Variants in NACC2 observed in about 807,000 individuals in gnomAD.
NACC2 encodes nucleus accumbens-associated protein 2.
NACC2 carries 8 observed loss-of-function variants against 25.1 expected under a neutral mutation model. That is an observed-to-expected ratio of 0.32 (90% CI 0.19 to 0.57). NACC2 has a LOEUF of 0.57. Ranked by LOEUF, NACC2 falls within the 20% of genes least tolerant of loss-of-function variation. The probability of loss-of-function intolerance (pLI) is 0.89; values close to 1 mark genes in which losing one functional copy is unlikely to be tolerated. For synonymous variants in NACC2, 435 were observed against 294.7 expected (o/e 1.48, Z -4.88); for missense variants, 644 against 650.2 (o/e 0.99, Z 0.10).
intron 2 of NACC2, among the ~76,000 whole-genome samples, chr9:136,038,801 G>C (rs1432409950): frequency 1.3e-5 from 2 of 152,172 alleles, no homozygotes; most frequent in Non-Finnish European, 2.9e-5. Context: ...GAGGTGGGCT[G>C]AGGGAAGTGA....
rs1840798257 is a variant in NACC2 at position 136,050,167 on chromosome 9, G to A, written c.355C>T (p.Leu119Phe). ...IQHIVERGTD[L>F]MFKVSSPHCD... Reference sequence around the variant, plus strand: ...TGGGGCGAGCTCACCTTGAACATGAGGTCGGTGCCGCGCTCCACGATGTGC... The same window carrying A: ...TGGGGCGAGCTCACCTTGAACATGAAGTCGGTGCCGCGCTCCACGATGTGC... The change falls in exon 2 of 6, where the codon CTC becomes TTC. Residue 119 changes from leucine to phenylalanine, a missense_variant. Leu to Phe is a conservative substitution (Grantham distance 22). Transcript: ENST00000277554. 2.6e-6 allele frequency: 2 copies of A among 770,310 alleles called. No individual in the cohort carries two copies. Among genetic ancestry groups the A allele is most frequent in the Admixed American group, 3.4e-5 (2 of 58,258 alleles). 47.7% of individuals were successfully genotyped at this position (770,310 alleles called of 1,614,324 possible).
intron 1 of NACC2, among the ~76,000 whole-genome samples, chr9:136,092,972 C>T (rs1418946560): frequency 1.3e-5 from 2 of 152,174 alleles, no homozygotes; most frequent in Non-Finnish European, 2.9e-5. Context: ...GTGGCTAGAA[C>T]AGGGCTGGCT....
chr9:136,063,214 G>T (rs748055458), intron 1 of NACC2, among the ~76,000 whole-genome samples: 1 of 152,164 alleles, frequency 6.6e-6, no homozygotes, highest in East Asian at 1.9e-4. Flanking sequence ...AGCAGCTCCC[G>T]GGACCCCTGG....
chr9:136,064,246 A>C (rs1841053740), intron 1 of NACC2, among the ~76,000 whole-genome samples: 2 of 152,174 alleles, frequency 1.3e-5, no homozygotes, highest in Admixed American at 6.6e-5. Flanking sequence ...CTATGACTGC[A>C]CTACTGCACT....
Position 136,055,063 on chromosome 9 carries a change from G to A in NACC2, c.-59-4483C>T, listed in dbSNP as rs1231840639. Among the ~76,000 whole-genome samples the A allele has an allele frequency of 2.0e-5, 3 of 152,144 alleles. No individual in the cohort carries two copies. Among genetic ancestry groups the A allele is most frequent in the Non-Finnish European group, 4.4e-5 (3 of 68,028 alleles). On this transcript the variant is annotated intron_variant, in intron 1 of 5. Transcript: ENST00000277554. The surrounding 1 kb of genome is among the most constrained non-coding windows in gnomAD (Gnocchi z 4.9). The stretch of plus-strand genomic sequence containing the variant: ...AAATACAGGTGGCTGTGGTGTCGGA[G>A]TGGGGGGTCTCTCCTCTGCAGAGCC...
intron 2 of NACC2, among the ~76,000 whole-genome samples, chr9:136,045,004 C>G (rs1424509972): frequency 6.6e-6 from 1 of 152,228 alleles, no homozygotes; most frequent in Non-Finnish European, 1.5e-5. Context: ...AGAGCCAGGA[C>G]AGATGTGCTG....
chr9:136,030,457 A>T (rs1216952825), intron 2 of NACC2, among the ~76,000 whole-genome samples: 1 of 151,936 alleles, frequency 6.6e-6, no homozygotes, highest in Non-Finnish European at 1.5e-5. Flanking sequence ...AAAATACAAA[A>T]AAATTAGCCA....
chr9:136,084,537 C>A lies in NACC2; in HGVS notation c.-60+10652G>T, dbSNP rs978495953. Among the ~76,000 whole-genome samples, 13 of 152,180 alleles carry A rather than the reference C, an allele frequency of 8.5e-5. No individual in the cohort carries two copies. Among genetic ancestry groups the A allele is most frequent in the Non-Finnish European group, 1.9e-4 (13 of 68,030 alleles). ...ATCTATCAAATCTGTCAAACTGGCC[C>A]AGACCCCGGAGTCAGGGTCACGAAG... On this transcript the variant is annotated intron_variant, in intron 1 of 5. Coordinates refer to ENST00000277554, the MANE Select transcript of NACC2 (RefSeq NM_144653.5). This position sits in a 1 kb window ranked among gnomAD's most constrained non-coding sequence, Gnocchi z 5.1.
At chr9:136,032,966 C>A (rs1463112474) in intron 2 of NACC2, among the ~76,000 whole-genome samples, 1 of 151,044 alleles carries the variant, frequency 6.6e-6, no homozygotes, top group South Asian at 2.1e-4. Context: ...TGCAGTGAGC[C>A]GAGATCACAC....
chr9:136,045,856 G>A (rs928072719), intron 2 of NACC2, among the ~76,000 whole-genome samples: 5 of 152,138 alleles, frequency 3.3e-5, no homozygotes, highest in South Asian at 2.1e-4. Flanking sequence ...AGGAGACCAC[G>A]GGAACAGACC....
At position 136,013,165 on chromosome 9, in the gene NACC2, G is replaced by GCCCCCCCCCCC; in HGVS notation, c.1255+33_1255+34insGGGGGGGGGGG. The GCCCCCCCCCCC allele has an allele frequency of 1.4e-5, 10 of 706,892 alleles. No individual in the cohort carries two copies. The highest frequency in any genetic ancestry group is 3.0e-5 in the East Asian group (1 of 32,924). The allele number at this position is 706,892 out of a possible 1,614,324, so 43.8% of individuals were successfully genotyped here. A position where few individuals can be genotyped will look rare whatever the true frequency, so the allele number is the denominator to read the frequency against. Reference sequence around the variant, plus strand: ...AGGCTGGGATCTGAACCCAGCCCCGGCCCCACCCACCCGAGAGACCCCCAG... The same window carrying GCCCCCCCCCCC: ...AGGCTGGGATCTGAACCCAGCCCCGGCCCCCCCCCCCCCCCACCCACCCGAGAGACCCCCAG... On this transcript the variant is annotated intron_variant, in intron 5 of 5. Coordinates refer to ENST00000277554, the MANE Select transcript of NACC2 (RefSeq NM_144653.5). This position sits in a 1 kb window ranked among gnomAD's most constrained non-coding sequence, Gnocchi z 6.6.
Position 136,050,354 on chromosome 9 carries a change from G to C in NACC2, c.168C>G (p.Arg56=). The change falls in exon 2 of 6, where the codon CGC becomes CGG. Residue 56 remains arginine, a synonymous_variant. Transcript: ENST00000277554. ...AVLAASSLYF[R]DLFSGNSKSA... is the part of the protein sequence containing the mutation. ...TCTTGCTGTTGCCGCTGAACAGGTC[G>C]CGGAAGTAGAGGCTGCTGGCGGCCA... 1.3e-6 allele frequency: 1 copy of C among 747,720 alleles called. No individual in the cohort carries two copies. Among genetic ancestry groups the C allele is most frequent in the East Asian group, 2.5e-5 (1 of 39,630 alleles). The allele number at this position is 747,720 out of a possible 1,614,324, so 46.3% of individuals were successfully genotyped here. A position where few individuals can be genotyped will look rare whatever the true frequency, so the allele number is the denominator to read the frequency against.
At chr9:136,077,160 CAG>C (rs1052326909) in intron 1 of NACC2, among the ~76,000 whole-genome samples, 1 of 147,634 alleles carries the variant, frequency 6.8e-6, no homozygotes, top group African/African-American at 2.5e-5. Context: ...GCCTGGGTGA[CAG>C]AGAAAAAAAC....
intron 1 of NACC2, among the ~76,000 whole-genome samples, chr9:136,088,284 G>A (rs1180864279): frequency 1.3e-5 from 2 of 152,176 alleles, no homozygotes; most frequent in South Asian, 4.1e-4. Flanking sequence ...AGGCCCAGAT[G>A]GAAGGGATGA....
chr9:136,051,600 G>GC (rs57506141), intron 1 of NACC2, among the ~76,000 whole-genome samples: 21,589 of 152,178 alleles, frequency 0.14, 1,720 homozygotes, highest in South Asian at 0.26. Flanking sequence ...AAGTGCGGGC[G>GC]GCCGCAGAGG....
At chr9:136,077,204 G>A (rs374397833) in intron 1 of NACC2, among the ~76,000 whole-genome samples, 8 of 151,496 alleles carry the variant, frequency 5.3e-5, no homozygotes, top group African/African-American at 1.5e-4. Context: ...GGTGGCGGGC[G>A]CCTGTAGTCC....
chr9:136,020,993 A>G lies in NACC2; in HGVS notation c.887-4564T>C, dbSNP rs1172779809. Among the ~76,000 whole-genome samples the G allele has an allele frequency of 1.3e-5, 2 of 152,194 alleles. No homozygotes were observed. Among genetic ancestry groups the G allele is most frequent in the Non-Finnish European group, 2.9e-5 (2 of 68,040 alleles). The stretch of plus-strand genomic sequence containing the variant: ...AGCTTAGGTTAAGCTAAAGTCTTAG[A>G]CAAGGCCCCCAAAGCACGATCCACA... On this transcript the variant is annotated intron_variant, in intron 2 of 5. Transcript: ENST00000277554. The surrounding 1 kb of genome is among the most constrained non-coding windows in gnomAD (Gnocchi z 4.7).
chr9:136,030,372 G>C (rs1462908841), intron 2 of NACC2, among the ~76,000 whole-genome samples: 2 of 152,048 alleles, frequency 1.3e-5, no homozygotes, highest in Non-Finnish European at 2.9e-5. Flanking sequence ...CACTTTGCGA[G>C]GCCAAGGCAG....
chr9:136,091,580 A>T (rs1006531727), intron 1 of NACC2, among the ~76,000 whole-genome samples: 5 of 152,202 alleles, frequency 3.3e-5, no homozygotes, highest in African/African-American at 1.2e-4. Flanking sequence ...AATGACAAGC[A>T]ACCAATACTT....
Sources: allele counts gnomAD v4.1 joint callset (sites outside exome capture counted in the v4.1 genomes callset), GRCh38; gene constraint gnomAD v4.1.1; non-coding constraint Gnocchi (gnomAD v3.1); transcripts MANE v1.5; gene names NCBI Gene and HGNC (gene_info 2026-07-23, HGNC 2026-07-21).